The following RPS6KA5 variants were observed in gnomAD, a reference collection of about 807,000 sequenced individuals.
The protein encoded by RPS6KA5 is ribosomal protein S6 kinase alpha-5.
A neutral mutation model predicts 85.5 loss-of-function variants in RPS6KA5; 27 were observed. The observed-to-expected ratio is 0.32, with a 90% CI of 0.23 to 0.44. The LOEUF is 0.44. RPS6KA5 is among the 20% of genes least tolerant of loss of function. The pLI, the probability that RPS6KA5 is intolerant of heterozygous loss-of-function variation, is 1.00. For missense variants in RPS6KA5, 811 were observed against 980.9 expected (o/e 0.83, Z 2.31); for synonymous variants, 334 against 348.2 (o/e 0.96, Z 0.46).
chr14:90,963,673 G>A (rs1042601854), intron 3 of RPS6KA5, among the ~76,000 whole-genome samples: 1 of 152,112 alleles, frequency 6.6e-6, no homozygotes, highest in Non-Finnish European at 1.5e-5. Flanking sequence ...TGCCAGGGGC[G>A]ATACGACACA....
chr14:90,950,942 G>GA (rs1026863685), intron 3 of RPS6KA5, among the ~76,000 whole-genome samples: 1 of 151,534 alleles, frequency 6.6e-6, no homozygotes, highest in Non-Finnish European at 1.5e-5. Context: ...CCAACACGGT[G>GA]AAACCCTGTC....
intron 7 of RPS6KA5, 148 bp downstream of exon 7, chr14:90,920,058 C>T: frequency 1.5e-6 from 1 of 681,518 alleles, no homozygotes; most frequent in Non-Finnish European, 2.7e-6. Flanking sequence ...TATCTATATG[C>T]CATATGATAG....
At chr14:91,035,654 C>A (rs1173625694) in intron 1 of RPS6KA5, among the ~76,000 whole-genome samples, 1 of 151,362 alleles carries the variant, frequency 6.6e-6, no homozygotes, top group Non-Finnish European at 1.5e-5. Flanking sequence ...GAAGGAGAAA[C>A]AAGATATACC....
At chr14:91,048,428 T>C (rs1019339309) in intron 1 of RPS6KA5, among the ~76,000 whole-genome samples, 8 of 152,042 alleles carry the variant, frequency 5.3e-5, no homozygotes, top group Non-Finnish European at 8.8e-5. Context: ...CCAAGCACTA[T>C]ACTAAAAATC....
At chr14:90,951,135 A>AAAGAGAG in intron 3 of RPS6KA5, among the ~76,000 whole-genome samples, 1 of 146,456 alleles carries the variant, frequency 6.8e-6, no homozygotes, top group Non-Finnish European at 1.5e-5. Flanking sequence ...AAAAAAAAAA[A>AAAGAGAG]AGAGAGAGAG....
intron 5 of RPS6KA5, among the ~76,000 whole-genome samples, chr14:90,933,765 T>C (rs1164629226): frequency 2.6e-5 from 4 of 152,312 alleles, no homozygotes; most frequent in Middle Eastern, 3.4e-3. Context: ...ATCTGTACAA[T>C]CCTTCTTCCA....
chr14:91,044,517 G>A (rs989850140), intron 1 of RPS6KA5, among the ~76,000 whole-genome samples: 5 of 152,104 alleles, frequency 3.3e-5, no homozygotes, highest in Admixed American at 2.6e-4. Context: ...CAGACAGAAG[G>A]GGGTTTAGAA....
intron 1 of RPS6KA5, among the ~76,000 whole-genome samples, chr14:91,035,686 A>G (rs1315485219): frequency 6.6e-6 from 1 of 151,986 alleles, no homozygotes; most frequent in Admixed American, 6.6e-5. Flanking sequence ...CTCCCCCAAC[A>G]TCATCTATAA....
At position 90,865,202 on chromosome 14, in the gene RPS6KA5, C is replaced by T. The variant is rs2032750089; in HGVS notation, c.*6872G>A. ...GTGTACGTGTCCATTAAAATATATG[C>T]ACAAGAATGCTTATGGCTGCTTTAA... On this transcript the variant is annotated 3_prime_UTR_variant, in exon 17 of 17. Transcript: ENST00000614987. 6.6e-6 allele frequency: 1 copy of T among 152,130 alleles called. No individual in the cohort carries two copies. The allele number at this position is 152,130 out of a possible 1,614,324, so 9.4% of individuals were successfully genotyped here. A position where few individuals can be genotyped will look rare whatever the true frequency, so the allele number is the denominator to read the frequency against.
At chr14:90,947,202 A>G (rs1356580435) in intron 4 of RPS6KA5, among the ~76,000 whole-genome samples, 1 of 152,238 alleles carries the variant, frequency 6.6e-6, no homozygotes, top group Non-Finnish European at 1.5e-5. Flanking sequence ...ATTTTTCAGG[A>G]TAAAAGCCAA....
At chr14:90,967,588 C>T (rs1167403359) in intron 3 of RPS6KA5, among the ~76,000 whole-genome samples, 1 of 152,144 alleles carries the variant, frequency 6.6e-6, no homozygotes, top group Non-Finnish European at 1.5e-5. Context: ...CCATAAAGTA[C>T]TACCAGGGTC....
chr14:90,997,346 T>G (rs2040571529), intron 2 of RPS6KA5, among the ~76,000 whole-genome samples: 2 of 152,198 alleles, frequency 1.3e-5, no homozygotes, highest in South Asian at 4.1e-4. Context: ...ATACAAAAAC[T>G]TGTACATGAA....
chr14:90,917,241 T>C (rs1396737937), intron 7 of RPS6KA5, among the ~76,000 whole-genome samples: 1 of 152,226 alleles, frequency 6.6e-6, no homozygotes, highest in East Asian at 1.9e-4. Context: ...TAACTCACCC[T>C]GATTTTAAAA....
intron 5 of RPS6KA5, among the ~76,000 whole-genome samples, chr14:90,933,051 C>T (rs1238207363): frequency 6.6e-6 from 1 of 152,208 alleles, no homozygotes; most frequent in Non-Finnish European, 1.5e-5. Context: ...AATAAGGCTA[C>T]TGCTATTCTC....
intron 14 of RPS6KA5, among the ~76,000 whole-genome samples, chr14:90,882,775 T>C (rs2033931551): frequency 6.6e-6 from 1 of 152,072 alleles, no homozygotes; most frequent in Admixed American, 6.6e-5. Context: ...ATCACTTGTA[T>C]GTGTGGAATT....
intron 2 of RPS6KA5, among the ~76,000 whole-genome samples, chr14:90,998,409 CA>C (rs1187505323): frequency 6.6e-6 from 1 of 152,144 alleles, no homozygotes; most frequent in Admixed American, 6.5e-5. Context: ...AAGCCACATA[CA>C]GACAAAACAG....
chr14:90,966,962 G>C (rs2039093239), intron 3 of RPS6KA5, among the ~76,000 whole-genome samples: 1 of 152,146 alleles, frequency 6.6e-6, no homozygotes, highest in African/African-American at 2.4e-5. Flanking sequence ...TTCAGGATAA[G>C]TCTTCAGACT....
chr14:90,917,569 T>G (rs892138652), intron 7 of RPS6KA5, among the ~76,000 whole-genome samples: 1 of 152,140 alleles, frequency 6.6e-6, no homozygotes, highest in Non-Finnish European at 1.5e-5. Flanking sequence ...CCTCCCCCAA[T>G]CCCAGTCCCT....
chr14:90,975,325 G>A (rs1182669758), intron 3 of RPS6KA5, among the ~76,000 whole-genome samples: 2 of 152,100 alleles, frequency 1.3e-5, no homozygotes, highest in African/African-American at 4.8e-5. Flanking sequence ...AAACCTTTTG[G>A]GACTGTTACA....
Sources: gnomAD v4.1 joint callset for allele counts (sites outside exome capture counted in the v4.1 genomes callset) on GRCh38, gnomAD v4.1.1 for gene constraint, MANE v1.5 for transcripts, NCBI Gene and HGNC (gene_info 2026-07-23, HGNC 2026-07-21) for gene names.